Variants in SNX24 observed in about 807,000 individuals in gnomAD.
The protein encoded by SNX24 is sorting nexin 24, also known as sorting nexin-24.
In SNX24, 22 loss-of-function variants were observed where a neutral mutation model predicts 28.7. The ratio of observed to expected loss-of-function variants is 0.77; its 90% confidence interval spans 0.55 to 1.10. The LOEUF (loss-of-function observed/expected upper bound fraction) is 1.10, where lower values mean the gene tolerates loss of function less well. Ranked by LOEUF, SNX24 falls within the 50% of genes least tolerant of loss-of-function variation. The probability of loss-of-function intolerance (pLI) is 0.00; values close to 1 mark genes in which losing one functional copy is unlikely to be tolerated. For synonymous variants in SNX24, 69 were observed against 71.5 expected (o/e 0.96, Z 0.18); for missense variants, 221 against 201.1 (o/e 1.10, Z -0.60).
intron 1 of SNX24, among the ~76,000 whole-genome samples, chr5:122,887,096 T>C (rs1274777556): frequency 6.6e-6 from 1 of 152,180 alleles, no homozygotes; most frequent in Non-Finnish European, 1.5e-5. Flanking sequence ...GAAACAAGGA[T>C]CTCTGGGTGA....
At chr5:122,974,312 G>A (rs1761076553) in intron 3 of SNX24, among the ~76,000 whole-genome samples, 1 of 152,122 alleles carries the variant, frequency 6.6e-6, no homozygotes, top group South Asian at 2.1e-4. Flanking sequence ...TTGCTTATAG[G>A]ATCCAGTCAG....
intron 1 of SNX24, among the ~76,000 whole-genome samples, chr5:122,900,370 T>G (rs11745548): frequency 6.6e-6 from 1 of 152,206 alleles, no homozygotes; most frequent in South Asian, 2.1e-4. Context: ...TTAAAACGTT[T>G]TTTTTAAAAA....
intron 1 of SNX24, among the ~76,000 whole-genome samples, chr5:122,856,129 C>A (rs138231796): frequency 6.6e-6 from 1 of 152,190 alleles, no homozygotes; most frequent in Non-Finnish European, 1.5e-5. Flanking sequence ...TCCCTCCACT[C>A]GCAAGTAATC....
At chr5:122,881,971 AT>A (rs200785867) in intron 1 of SNX24, among the ~76,000 whole-genome samples, 4,299 of 138,850 alleles carry the variant, frequency 0.031, 73 homozygotes, top group East Asian at 0.043. Flanking sequence ...TGTTTGTTGG[AT>A]TTTTTTTTTT....
intron 1 of SNX24, among the ~76,000 whole-genome samples, chr5:122,932,827 C>G (rs1222466461): frequency 6.9e-6 from 1 of 145,202 alleles, no homozygotes; most frequent in Non-Finnish European, 1.5e-5. Context: ...CCACTGCGCT[C>G]CAGCCGGGGC....
intron 2 of SNX24, among the ~76,000 whole-genome samples, chr5:122,943,244 G>T (rs531673928): frequency 6.6e-6 from 1 of 151,916 alleles, no homozygotes; most frequent in Non-Finnish European, 1.5e-5. Flanking sequence ...TGAACCTATC[G>T]CAGTAGTTTC....
chr5:122,868,904 T>C (rs949250892), intron 1 of SNX24, among the ~76,000 whole-genome samples: 2 of 152,276 alleles, frequency 1.3e-5, no homozygotes, highest in Non-Finnish European at 2.9e-5. Flanking sequence ...TTAATTATTG[T>C]ACCACCTTCC....
intron 1 of SNX24, among the ~76,000 whole-genome samples, chr5:122,919,561 A>C (rs1758325428): frequency 6.6e-6 from 1 of 151,960 alleles, no homozygotes; most frequent in Non-Finnish European, 1.5e-5. Context: ...CAGAAAAATT[A>C]GTCATTTTAG....
intron 1 of SNX24, among the ~76,000 whole-genome samples, chr5:122,907,284 A>G (rs1757682510): frequency 6.6e-6 from 1 of 152,202 alleles, no homozygotes; most frequent in Non-Finnish European, 1.5e-5. Flanking sequence ...TTTTCTTTAA[A>G]TCATATTGAA....
chr5:122,913,356 ACCTC>A (rs1757986716), intron 1 of SNX24, among the ~76,000 whole-genome samples: 1 of 144,836 alleles, frequency 6.9e-6, no homozygotes, highest in African/African-American at 2.6e-5. Flanking sequence ...CTGACCCCCC[ACCTC>A]CCTCCCGGAC....
intron 5 of SNX24, chr5:123,023,456 C>T (rs1398682685): frequency 1.3e-5 from 2 of 153,180 alleles, no homozygotes; most frequent in Non-Finnish European, 2.9e-5. Context: ...TGACATATCT[C>T]AGATTACACT....
intron 2 of SNX24, among the ~76,000 whole-genome samples, chr5:122,943,971 G>C (rs2927639): frequency 0.77 from 117,078 of 152,160 alleles, 45,919 homozygotes; most frequent in East Asian, 0.99. Flanking sequence ...TACCCAGCAT[G>C]TCTACTTGGA....
intron 1 of SNX24, among the ~76,000 whole-genome samples, chr5:122,847,030 A>G (rs1364308743): frequency 6.6e-6 from 1 of 150,406 alleles, no homozygotes; most frequent in African/African-American, 2.5e-5. Flanking sequence ...TGCTTCTCCC[A>G]GGTATCTCAC....
intron 2 of SNX24, among the ~76,000 whole-genome samples, chr5:122,939,401 C>T (rs951652968): frequency 6.6e-6 from 1 of 152,144 alleles, no homozygotes; most frequent in African/African-American, 2.4e-5. Flanking sequence ...TGTGCTTTCT[C>T]ATTTATCTGC....
intron 5 of SNX24, chr5:123,028,522 T>A (rs547315320): frequency 7.7e-6 from 3 of 388,926 alleles, no homozygotes; most frequent in Middle Eastern, 5.1e-4. Context: ...TTTTAATAAC[T>A]GCAAAATGAA....
intron 3 of SNX24, among the ~76,000 whole-genome samples, chr5:122,959,388 A>T (rs1017799861): frequency 6.7e-6 from 1 of 149,998 alleles, no homozygotes; most frequent in African/African-American, 2.4e-5. Flanking sequence ...TATATATATA[A>T]TAAAAAATAC....
At chr5:122,972,478 T>C (rs1198715320) in intron 3 of SNX24, among the ~76,000 whole-genome samples, 1 of 152,192 alleles carries the variant, frequency 6.6e-6, no homozygotes, top group Non-Finnish European at 1.5e-5. Context: ...CTAGCTGGCA[T>C]TGTAATTGTG....
At chr5:122,896,188 T>A (rs984644967) in intron 1 of SNX24, among the ~76,000 whole-genome samples, 3 of 152,180 alleles carry the variant, frequency 2.0e-5, no homozygotes, top group African/African-American at 7.2e-5. Context: ...TTTTGTTTGT[T>A]TGTTTTTAAT....
chr5:122,904,174 C>CT (rs1249478670), intron 1 of SNX24, among the ~76,000 whole-genome samples: 52 of 147,050 alleles, frequency 3.5e-4, no homozygotes, highest in East Asian at 5.9e-4. Context: ...AATACCTAGT[C>CT]TTTTTTTTTT....
Sources: allele counts gnomAD v4.1 joint callset (sites outside exome capture counted in the v4.1 genomes callset), GRCh38; gene constraint gnomAD v4.1.1; transcripts MANE v1.5; gene names NCBI Gene and HGNC (gene_info 2026-07-23, HGNC 2026-07-21).